LIMS2: variants seen among roughly 807,000 people sequenced by gnomAD.
LIMS2 encodes LIM and senescent cell antigen-like-containing domain protein 2.
LIMS2 carries 30 observed loss-of-function variants against 45.3 expected under a neutral mutation model. The ratio of observed to expected loss-of-function variants is 0.66; its 90% CI spans 0.50 to 0.90. The LOEUF (loss-of-function observed/expected upper bound fraction) is 0.90, where lower values mean the gene tolerates loss of function less well. Ranked by LOEUF, LIMS2 falls within the 40% of genes least tolerant of loss-of-function variation. The probability of loss-of-function intolerance (pLI) is 0.00; values close to 1 mark genes in which losing one functional copy is unlikely to be tolerated. For missense variants in LIMS2, 485 were observed against 468.7 expected, an observed-to-expected ratio of 1.03 and a Z score of -0.32; for synonymous variants, 173 against 188.0, an observed-to-expected ratio of 0.92 and a Z score of 0.65.
intron 1 of LIMS2, chr2:127,674,455 G>C: frequency 4.9e-6 from 1 of 202,316 alleles, no homozygotes; most frequent in Non-Finnish European, 8.8e-6. Context: ...TGAGAGCAGA[G>C]GGTGGGCCAG....
chr2:127,657,498 C>A lies in LIMS2; in HGVS notation c.76G>T (p.Glu26Ter). The A allele has an allele frequency of 6.2e-7, 1 of 1,613,262 alleles. No individual in the cohort carries two copies. The highest frequency in any genetic ancestry group is 2.2e-5 in the East Asian group (1 of 44,878). ...QRCQARFSPA[E>*]RIVNSNGELY... ...TCCCCATTGCTGTTGACAATGCGCT[C>A]GGCGGGGGAGAAGCGGGCCTGGCAG... The change falls in exon 2 of 10, where the codon GAG becomes TAG. Residue 26 changes from glutamate (E) to a stop codon, truncating the protein, a stop_gained. Coordinates refer to ENST00000355119, the MANE Select transcript of LIMS2 (RefSeq NM_001161403.3). LOFTEE classifies it high-confidence loss of function.
rs1301033751 is a variant in LIMS2 at position 127,653,250 on chromosome 2, G to A, written c.359+1174C>T. On this transcript the variant is annotated intron_variant, in intron 4 of 9. Transcript: ENST00000355119. The surrounding 1 kb of genome is among the most constrained non-coding windows in gnomAD (Gnocchi z 5.3). ...GCTGCGGGAGGGAGCAGAGTGCCCG[G>A]ACAGAGAGAGTGTGGCAGGGGAAGC... is the stretch of plus-strand genomic sequence containing the variant. 1.3e-5 allele frequency among the ~76,000 whole-genome samples: 2 copies of A among 152,172 alleles called. No homozygotes were observed. The highest frequency in any genetic ancestry group is 1.9e-4 in the East Asian group (1 of 5,188).
intron 1 of LIMS2, among the ~76,000 whole-genome samples, chr2:127,662,313 C>T (rs1362362821): frequency 6.6e-6 from 1 of 152,154 alleles, no homozygotes; most frequent in African/African-American, 2.4e-5. Flanking sequence ...GAAGTCCTCA[C>T]TGAGCACCTG....
At chr2:127,640,648 G>A in intron 7 of LIMS2, 1 of 597,000 alleles carries the variant, frequency 1.7e-6, no homozygotes, top group Non-Finnish European at 3.0e-6. Context: ...GGGGTTGCTG[G>A]CACTGTCAGC....
rs935875180 is a variant in LIMS2 at position 127,653,185 on chromosome 2, G to A, written c.359+1239C>T. Reference sequence around the variant, plus strand: ...CGTGCCTCTCTCACGGGCAGCACACGGACAAGAGCTCGGTAGTGTCGGGGA... The same window carrying A: ...CGTGCCTCTCTCACGGGCAGCACACAGACAAGAGCTCGGTAGTGTCGGGGA... On this transcript the variant is annotated intron_variant, in intron 4 of 9. Transcript: ENST00000355119. This position sits in a 1 kb window ranked among gnomAD's most constrained non-coding sequence, Gnocchi z 5.3. 4.6e-5 allele frequency among the ~76,000 whole-genome samples: 7 copies of A among 152,192 alleles called. No individual in the cohort carries two copies. The highest frequency in any genetic ancestry group is 1.9e-4 in the East Asian group (1 of 5,192).
chr2:127,677,431 C>T (rs978922927), upstream of LIMS2, among the ~76,000 whole-genome samples: 6 of 152,142 alleles, frequency 3.9e-5, no homozygotes, highest in South Asian at 2.1e-4. The surrounding 1 kb of genome is among the most constrained non-coding windows in gnomAD (Gnocchi z 5.0). Context: ...GGGAAAGTTT[C>T]TGAGCAGGTG....
chr2:127,651,195 T>G (rs1475414058), intron 4 of LIMS2: 1 of 1,611,170 alleles, frequency 6.2e-7, no homozygotes, highest in African/African-American at 1.3e-5. Flanking sequence ...GGCCTGTGCC[T>G]TCCTGTGGGT....
chr2:127,679,238 G>A (rs1375138956), upstream of LIMS2, among the ~76,000 whole-genome samples: 3 of 152,148 alleles, frequency 2.0e-5, no homozygotes, highest in African/African-American at 7.2e-5. The surrounding 1 kb of genome is among the most constrained non-coding windows in gnomAD (Gnocchi z 5.3). Context: ...TGGGGTCTGT[G>A]TAGATGGTGC....
rs1306768774 is a variant in LIMS2 at position 127,639,104 on chromosome 2, G to A, written c.*177C>T. On this transcript the variant is annotated 3_prime_UTR_variant, in exon 10 of 10. Transcript: ENST00000355119. ...CTCACAGACAGAAGCCACGGCCAAG[G>A]AGAGGAGAGACATGGGGAAGGCAGA... 2 of 681,758 alleles carry A rather than the reference G, an allele frequency of 2.9e-6. No individual in the cohort carries two copies. The highest frequency in any genetic ancestry group is 1.8e-5 in the African/African-American group (1 of 55,082). 42.2% of individuals were successfully genotyped at this position (681,758 alleles called of 1,614,324 possible). A position where few individuals can be genotyped will look rare whatever the true frequency, so the allele number is the denominator to read the frequency against.
chr2:127,664,231 C>G lies in LIMS2; in HGVS notation c.12-6669G>C. ...CGTCGGAGGGCCCCGGTCGGGTTTC[C>G]GAGGGAAGGCCTGCCCTGCCGCCGC... On this transcript the variant is annotated intron_variant, in intron 1 of 9. Transcript: ENST00000355119. This position sits in a 1 kb window ranked among gnomAD's most constrained non-coding sequence, Gnocchi z 5.5. 8.5e-7 allele frequency: 1 copy of G among 1,177,638 alleles called. No individual in the cohort carries two copies. The highest frequency in any genetic ancestry group is 1.6e-5 in the African/African-American group (1 of 62,532). The allele number at this position is 1,177,638 out of a possible 1,614,324, so 72.9% of individuals were successfully genotyped here.
At chr2:127,651,923 G>A in intron 4 of LIMS2, 1 of 673,396 alleles carries the variant, frequency 1.5e-6, no homozygotes, top group Non-Finnish European at 2.6e-6. Context: ...AGGAAGAACT[G>A]ACAAAGGGGA....
rs7570106 is a variant in LIMS2 at position 127,657,105 on chromosome 2, A to G, written c.171+298T>C. Reference sequence around the variant, plus strand: ...CATGCGGTTGCTGTGCTCACTGTCTAGTCCCCAGGGAGGGCAAGCACCACC... The same window carrying G: ...CATGCGGTTGCTGTGCTCACTGTCTGGTCCCCAGGGAGGGCAAGCACCACC... On this transcript the variant is annotated intron_variant, in intron 2 of 9. Transcript: ENST00000355119. Among the ~76,000 whole-genome samples the G allele has an allele frequency of 0.41, 62,892 of 152,110 alleles. 13,293 individuals carry two copies. The highest frequency in any genetic ancestry group is 0.61 in the South Asian group (2,942 of 4,824).
intron 1 of LIMS2, among the ~76,000 whole-genome samples, chr2:127,660,557 C>T (rs1389090966): frequency 6.6e-6 from 1 of 152,112 alleles, no homozygotes; most frequent in Non-Finnish European, 1.5e-5. Context: ...AGGGTCTGAG[C>T]CTTCACTTCT....
At position 127,642,182 on chromosome 2, in the gene LIMS2, T is replaced by G. The variant is rs1273376173; in HGVS notation, c.527A>C (p.Glu176Ala). The G allele has an allele frequency of 1.3e-6, 2 of 1,566,166 alleles. No homozygotes were observed. Among genetic ancestry groups the G allele is most frequent in the Non-Finnish European group, 1.7e-6 (2 of 1,151,090 alleles). Reference protein sequence around the residue: ...CTHCGKELTAEARELKGELYC... With the variant: ...CTHCGKELTAAARELKGELYC... ...GAGCTCACCCTTCAGCTCGCGGGCC[T>G]CGGCTGTCAGCTCCTTCCTGGAAGA... is the stretch of plus-strand genomic sequence containing the variant. Residue 176 changes from glutamate (E) to alanine (A), a missense_variant, in exon 6 of 10, where the codon GAG (glutamate) becomes GCG (alanine). Glu to Ala is a moderately radical substitution (Grantham distance 107). Transcript: ENST00000355119. The surrounding 1 kb of genome is among the most constrained non-coding windows in gnomAD (Gnocchi z 5.3).
intron 1 of LIMS2, among the ~76,000 whole-genome samples, chr2:127,680,745 A>T (rs2105354812): frequency 6.6e-6 from 1 of 152,300 alleles, no homozygotes; most frequent in South Asian, 2.1e-4. Flanking sequence ...TCCAAAGATG[A>T]CCTGGCCTTG....
chr2:127,648,385 G>T, intron 4 of LIMS2: 1 of 169,156 alleles, frequency 5.9e-6, no homozygotes, highest in Non-Finnish European at 1.2e-5. Context: ...GCTCGGGCCA[G>T]CCCTCACCCT....
chr2:127,655,142 G>A (rs1483271696), intron 2 of LIMS2: 2 of 591,908 alleles, frequency 3.4e-6, no homozygotes, highest in Non-Finnish European at 3.0e-6. Flanking sequence ...CCTGTCAAAG[G>A]GCCACTGGTG....
chr2:127,641,807 G>A (rs1187796827), intron 6 of LIMS2: 4 of 475,482 alleles, frequency 8.4e-6, no homozygotes, highest in Admixed American at 3.9e-5. Context: ...GCCAGCAGGG[G>A]GAAGAGGAGA....
intron 1 of LIMS2, among the ~76,000 whole-genome samples, chr2:127,665,690 A>G (rs1432114024): frequency 6.6e-6 from 1 of 152,180 alleles, no homozygotes; most frequent in Non-Finnish European, 1.5e-5. Flanking sequence ...TACACCGAAA[A>G]TGTTCTTAAC....
Sources: allele counts gnomAD v4.1 joint callset (sites outside exome capture counted in the v4.1 genomes callset), GRCh38; gene constraint gnomAD v4.1.1; non-coding constraint Gnocchi (gnomAD v3.1); transcripts MANE v1.5; gene names NCBI Gene and HGNC (gene_info 2026-07-23, HGNC 2026-07-21).